PLXNA4: variants seen among roughly 807,000 people sequenced by gnomAD.
PLXNA4 encodes the protein plexin A4.
In PLXNA4, 44 loss-of-function variants were observed where a neutral mutation model predicts 191.8. The ratio of observed to expected loss-of-function variants is 0.23; its 90% CI spans 0.18 to 0.29. PLXNA4 has a LOEUF of 0.29. PLXNA4 is among the 10% of genes least tolerant of loss of function. PLXNA4 has a pLI of 1.00. For synonymous variants in PLXNA4, 1,082 were observed against 1,009.5 expected (o/e 1.07, Z -1.36); for missense variants, 1,800 against 2,488.8 (o/e 0.72, Z 5.89).
At chr7:132,558,533 T>G (rs937807694) in intron 1 of PLXNA4, among the ~76,000 whole-genome samples, 2 of 152,220 alleles carry the variant, frequency 1.3e-5, no homozygotes, top group Non-Finnish European at 2.9e-5. Flanking sequence ...TTTTTAAGTA[T>G]TTGCCAAGAA....
intron 2 of PLXNA4, among the ~76,000 whole-genome samples, chr7:132,623,520 T>G (rs930108404): frequency 6.6e-6 from 1 of 152,134 alleles, no homozygotes; most frequent in Non-Finnish European, 1.5e-5. Flanking sequence ...ATAAGTCACA[T>G]GCAAGTTAGA....
chr7:132,574,046 T>C (rs1802108913), intron 1 of PLXNA4, among the ~76,000 whole-genome samples: 1 of 152,302 alleles, frequency 6.6e-6, no homozygotes, highest in African/African-American at 2.4e-5. Context: ...TACAGAGATG[T>C]TAATTAATGC....
chr7:132,175,983 G>C (rs1796444114), intron 20 of PLXNA4, among the ~76,000 whole-genome samples: 1 of 152,216 alleles, frequency 6.6e-6, no homozygotes, highest in African/African-American at 2.4e-5. Flanking sequence ...TGTGGCTCTA[G>C]AGCCTCAAAA....
At chr7:132,331,015 G>A (rs28595669) in intron 3 of PLXNA4, among the ~76,000 whole-genome samples, 508 of 152,224 alleles carry the variant, frequency 3.3e-3, no homozygotes, top group African/African-American at 0.011. Flanking sequence ...GGCTCCATTC[G>A]TGTCAAGACA....
chr7:132,247,321 G>A (rs946324083), intron 4 of PLXNA4, among the ~76,000 whole-genome samples: 4 of 152,126 alleles, frequency 2.6e-5, no homozygotes, highest in Non-Finnish European at 5.9e-5. Flanking sequence ...ATGCAACGAT[G>A]GCTACACTGA....
chr7:132,576,223 G>A lies in PLXNA4; in HGVS notation c.-87+199C>T, dbSNP rs891791111. Among the ~76,000 whole-genome samples, 3 of 152,242 alleles carry A rather than the reference G, an allele frequency of 2.0e-5. No homozygotes were observed. The highest frequency in any genetic ancestry group is 4.4e-5 in the Non-Finnish European group (3 of 68,040). On this transcript the variant is annotated intron_variant, in intron 1 of 31. Coordinates refer to ENST00000321063, the MANE Select transcript of PLXNA4 (RefSeq NM_020911.2). This position sits in a 1 kb window ranked among gnomAD's most constrained non-coding sequence, Gnocchi z 5.8. ...TGCTCCGGCCGCTGCACCTCCGCGGGCGTCCAGGTGGGACGTGGGCAGGTG... is the reference window on the plus strand; with the variant it reads ...TGCTCCGGCCGCTGCACCTCCGCGGACGTCCAGGTGGGACGTGGGCAGGTG...
At chr7:132,342,955 A>T (rs1327721052) in intron 3 of PLXNA4, among the ~76,000 whole-genome samples, 2 of 151,362 alleles carry the variant, frequency 1.3e-5, no homozygotes, top group African/African-American at 2.4e-5. Flanking sequence ...TCAAAAAAAA[A>T]AAAAAAGAAA....
chr7:132,344,481 G>A (rs574955210), intron 3 of PLXNA4, among the ~76,000 whole-genome samples: 3 of 152,258 alleles, frequency 2.0e-5, no homozygotes, highest in South Asian at 4.2e-4. Flanking sequence ...GTGGGGTCTC[G>A]TGGAGCAACT....
At chr7:132,443,986 G>T (rs566337763) in intron 3 of PLXNA4, among the ~76,000 whole-genome samples, 10 of 152,302 alleles carry the variant, frequency 6.6e-5, no homozygotes, top group African/African-American at 2.4e-4. Flanking sequence ...CAGTGAACTG[G>T]GTGGGATCCC....
chr7:132,307,906 G>A (rs529087469), intron 3 of PLXNA4, among the ~76,000 whole-genome samples: 68 of 152,248 alleles, frequency 4.5e-4, no homozygotes, highest in Non-Finnish European at 7.9e-4. Flanking sequence ...ATCGTGTGCC[G>A]TGTTACCAAA....
intron 30 of PLXNA4, among the ~76,000 whole-genome samples, chr7:132,136,719 A>C (rs564789346): frequency 2.1e-3 from 314 of 152,340 alleles, no homozygotes; most frequent in Non-Finnish European, 3.6e-3. Flanking sequence ...TTAGCTCTGT[A>C]GTGATTGGGA....
chr7:132,204,836 T>A (rs942873934), intron 10 of PLXNA4, among the ~76,000 whole-genome samples: 2 of 152,226 alleles, frequency 1.3e-5, no homozygotes, highest in Non-Finnish European at 2.9e-5. Context: ...AGTTACGGAA[T>A]GTGCTCCCAT....
chr7:132,302,687 T>A (rs987697970), intron 3 of PLXNA4, among the ~76,000 whole-genome samples: 16 of 150,514 alleles, frequency 1.1e-4, no homozygotes, highest in Admixed American at 2.7e-4. Context: ...TCACCGCTCA[T>A]AAGGTAGGAA....
intron 3 of PLXNA4, among the ~76,000 whole-genome samples, chr7:132,422,643 C>T (rs80344762): frequency 7.2e-5 from 11 of 152,170 alleles, no homozygotes; most frequent in Non-Finnish European, 1.6e-4. Flanking sequence ...AGCTAATTCA[C>T]GATGTGCTTA....
chr7:132,184,411 A>G (rs770217943), intron 16 of PLXNA4, among the ~76,000 whole-genome samples: 4 of 152,188 alleles, frequency 2.6e-5, no homozygotes, highest in Non-Finnish European at 5.9e-5. Flanking sequence ...GTGACTTCCC[A>G]GTGACCTCTG....
intron 2 of PLXNA4, among the ~76,000 whole-genome samples, chr7:132,642,678 G>A (rs1008485662): frequency 5.3e-5 from 8 of 152,132 alleles, no homozygotes; most frequent in African/African-American, 1.7e-4. Context: ...GTGCAAGAAG[G>A]TTGCTCACTG....
chr7:132,169,963 G>T (rs1796235239), intron 21 of PLXNA4, among the ~76,000 whole-genome samples: 1 of 152,046 alleles, frequency 6.6e-6, no homozygotes, highest in African/African-American at 2.4e-5. Flanking sequence ...GCAGGGAGTG[G>T]GAGGGACGGC....
chr7:132,637,243 C>T (rs970877385), intron 2 of PLXNA4, among the ~76,000 whole-genome samples: 2 of 152,160 alleles, frequency 1.3e-5, no homozygotes, highest in African/African-American at 4.8e-5. Flanking sequence ...TCCCCCTTTC[C>T]GTGGCTGTGA....
intron 3 of PLXNA4, among the ~76,000 whole-genome samples, chr7:132,363,310 C>T (rs1415843237): frequency 6.6e-6 from 1 of 152,166 alleles, no homozygotes; most frequent in Non-Finnish European, 1.5e-5. Flanking sequence ...TCTTCCCAAA[C>T]TGCAACTCTG....
Sources: gnomAD v4.1 joint callset for allele counts (sites outside exome capture counted in the v4.1 genomes callset) on GRCh38, gnomAD v4.1.1 for gene constraint, Gnocchi (gnomAD v3.1) non-coding constraint, MANE v1.5 for transcripts, NCBI Gene and HGNC (gene_info 2026-07-23, HGNC 2026-07-21) for gene names.